WNK1: variants seen among roughly 807,000 people sequenced by gnomAD.
WNK1 encodes WNK lysine deficient protein kinase 1, also known as serine/threonine-protein kinase WNK1.
WNK1 carries 38 observed loss-of-function variants against 222.8 expected under a neutral mutation model. That is an observed-to-expected ratio of 0.17 (90% CI 0.13 to 0.22). The LOEUF (loss-of-function observed/expected upper bound fraction) is 0.22. Among genes scored for constraint, WNK1 ranks in the 10% least tolerant of loss-of-function variants. The pLI, the probability that WNK1 is intolerant of heterozygous loss-of-function variation, is 1.00. For missense variants in WNK1, 2,348 were observed against 2,918.4 expected (o/e 0.80, Z 4.50); for synonymous variants, 1,090 against 1,092.9 (o/e 1.00, Z 0.05).
chr12:798,717 A>T (rs1468534345), intron 1 of WNK1, among the ~76,000 whole-genome samples: 1 of 152,152 alleles, frequency 6.6e-6, no homozygotes, highest in East Asian at 1.9e-4. Flanking sequence ...GAAAATATGC[A>T]TGTATAATAA....
At chr12:873,315 AAAG>A (rs1450650567) in intron 9 of WNK1, among the ~76,000 whole-genome samples, 1 of 152,096 alleles carries the variant, frequency 6.6e-6, no homozygotes, top group East Asian at 1.9e-4. Context: ...GAGTGTGAGA[AAAG>A]AAGAGAGCAG....
In WNK1 at chr12:887,323, A is replaced by G. The variant is rs751245283; in HGVS notation, c.5364+19A>G. ...AACCCAGGTGCCTCAAGACTTGACA[A>G]ATTTCTTCCTGTGCCCTACTTTCTT... On this transcript the variant is annotated intron_variant, in intron 20 of 27. Transcript: ENST00000315939. 26 of 1,613,242 alleles carry G rather than the reference A, an allele frequency of 1.6e-5. No homozygotes were observed. Among genetic ancestry groups the G allele is most frequent in the East Asian group, 8.9e-5 (4 of 44,892 alleles).
chr12:753,252 C>T lies in WNK1; in HGVS notation c.-314C>T, dbSNP rs925278706. 7 of 343,506 alleles carry T rather than the reference C, an allele frequency of 2.0e-5. No homozygotes were observed. Among genetic ancestry groups the T allele is most frequent in the Admixed American group, 5.2e-5 (1 of 19,294 alleles). The allele number at this position is 343,506 out of a possible 1,614,324, so 21.3% of individuals were successfully genotyped here. ...CTGCGGCGCCTCTGCTGCCACCGCC[C>T]GCCCGGCCGCCGCTCGCCGCAGGAT... On this transcript the variant is annotated 5_prime_UTR_variant, in exon 1 of 28. Coordinates refer to ENST00000315939, the MANE Select transcript of WNK1 (RefSeq NM_018979.4). This position sits in a 1 kb window ranked among gnomAD's most constrained non-coding sequence, Gnocchi z 5.2.
At chr12:819,928 T>C (rs1017538053) in intron 2 of WNK1, among the ~76,000 whole-genome samples, 1 of 152,224 alleles carries the variant, frequency 6.6e-6, no homozygotes. Flanking sequence ...TACATGTCTG[T>C]TCTTATGCCA....
rs1021716734 is a variant in WNK1, at chr12:787,199, T to C, written c.760-26443T>C. On this transcript the variant is annotated intron_variant, in intron 1 of 27. Transcript: ENST00000315939. ...TACTTTTATAGGTGGTATTGTGGAA[T>C]GGCAAAGCACAGACTCTAGAACAAG... 1.3e-4 allele frequency among the ~76,000 whole-genome samples: 20 copies of C among 152,368 alleles called. No homozygotes were observed. The East Asian group carries it at 1.9e-3, about 15-fold the overall frequency.
chr12:796,002 C>T (rs1038618227), intron 1 of WNK1, among the ~76,000 whole-genome samples: 4 of 152,042 alleles, frequency 2.6e-5, no homozygotes, highest in Non-Finnish European at 4.4e-5. Context: ...ACCTTCCCAC[C>T]GCAGCCTCTT....
At chr12:866,101 T>G (rs1024855701) in intron 8 of WNK1, among the ~76,000 whole-genome samples, 15 of 152,312 alleles carry the variant, frequency 9.8e-5, no homozygotes, top group African/African-American at 3.6e-4. Context: ...TATAGTTAAC[T>G]TTCTGAACTA....
In WNK1 at chr12:753,657, C is replaced by G. The variant is rs2120997237; in HGVS notation, c.92C>G (p.Ser31Cys). The G allele has an allele frequency of 6.2e-7, 1 of 1,612,524 alleles. No individual in the cohort carries two copies. Among genetic ancestry groups the G allele is most frequent in the Non-Finnish European group, 8.5e-7 (1 of 1,179,882 alleles). ...PAPAPKNGSS[S>C]DSSVGEKLGA... ...CCTGCCCCCAAGAATGGCTCCAGCTCCGATTCCTCCGTGGGGGAGAAACTG... is the reference window on the plus strand; with the variant it reads ...CCTGCCCCCAAGAATGGCTCCAGCTGCGATTCCTCCGTGGGGGAGAAACTG... The change falls in exon 1 of 28, where the codon TCC (serine) becomes TGC (cysteine). Residue 31 changes from serine to cysteine, a missense_variant. Transcript: ENST00000315939. This position sits in a 1 kb window ranked among gnomAD's most constrained non-coding sequence, Gnocchi z 5.2.
At chr12:894,681 G>A in intron 23 of WNK1, 46 bp downstream of exon 23, 2 of 1,551,990 alleles carry the variant, frequency 1.3e-6, no homozygotes, top group Non-Finnish European at 1.8e-6. Context: ...CTTTGGAGGA[G>A]TTGTCTATAT....
chr12:773,360 T>A (rs1942758608), intron 1 of WNK1, among the ~76,000 whole-genome samples: 1 of 152,198 alleles, frequency 6.6e-6, no homozygotes, highest in Non-Finnish European at 1.5e-5. Flanking sequence ...CCACTCAAGA[T>A]AACCTAAGTT....
At chr12:882,353 C>T (rs1436848031) in intron 14 of WNK1, among the ~76,000 whole-genome samples, 1 of 152,068 alleles carries the variant, frequency 6.6e-6, no homozygotes, top group African/African-American at 2.4e-5. Flanking sequence ...CACGTGCCAC[C>T]ACGCACGGCT....
intron 16 of WNK1, 64 bp downstream of exon 16, chr12:883,632 G>C (rs1271317308): frequency 6.2e-7 from 1 of 1,610,004 alleles, no homozygotes; most frequent in Non-Finnish European, 8.5e-7. Flanking sequence ...TTCTAAATTT[G>C]CTATGCAAAA....
chr12:907,594 C>T (rs1350571871), intron 26 of WNK1: 1 of 543,314 alleles, frequency 1.8e-6, no homozygotes, highest in Non-Finnish European at 3.3e-6. Flanking sequence ...AAAGAGGCCC[C>T]TGCCTGTGTA....
chr12:882,227 C>T (rs1339454924), intron 14 of WNK1, among the ~76,000 whole-genome samples, 154 bp downstream of exon 14: 5 of 151,838 alleles, frequency 3.3e-5, no homozygotes, highest in South Asian at 2.1e-4. Context: ...GACGGAGTCT[C>T]GCTCTGTCGC....
Position 885,846 on chromosome 12 carries a change from C to T in WNK1, c.5042C>T (p.Ser1681Leu), listed in dbSNP as rs1314378819. Residue 1681 changes from serine to leucine, a missense_variant, in exon 19 of 28, where the codon TCA becomes TTA. Physicochemically the swap from Ser to Leu is moderately radical, Grantham distance 145. Around this residue, in one of 13 missense-constraint regions of WNK1, gnomAD observed 1,144 missense variants for 1,273.6 expected, o/e 0.90. Coordinates refer to ENST00000315939, the MANE Select transcript of WNK1 (RefSeq NM_018979.4). Reference sequence around the variant, plus strand: ...CATGCCTCTGTCTCACTGGAGACCTCACTAGTCATAGAGAGCACTGTCACA... The same window carrying T: ...CATGCCTCTGTCTCACTGGAGACCTTACTAGTCATAGAGAGCACTGTCACA... Reference protein sequence around the residue: ...AQHASVSLETSLVIESTVTPG... With the variant: ...AQHASVSLETLLVIESTVTPG... The T allele has an allele frequency of 6.2e-6, 10 of 1,614,170 alleles. No homozygotes were observed. The highest frequency in any genetic ancestry group is 8.5e-6 in the Non-Finnish European group (10 of 1,180,026).
chr12:849,570 AT>A lies in WNK1; in HGVS notation c.1312-7582del, dbSNP rs546853499. 7.2e-4 allele frequency among the ~76,000 whole-genome samples: 109 copies of A among 151,564 alleles called. 1 individual carries two copies. The highest frequency in any genetic ancestry group is 2.4e-3 in the African/African-American group (98 of 41,348). On this transcript the variant is annotated intron_variant, in intron 4 of 27. Transcript: ENST00000315939. ...CCACTTGTGTACATAAATACTGTTG[AT>A]TTTTTTTTATTATACCTTAAGTTTT... is the stretch of plus-strand genomic sequence containing the variant.
intron 25 of WNK1, among the ~76,000 whole-genome samples, chr12:898,125 G>A (rs1290113528): frequency 6.6e-6 from 1 of 152,142 alleles, no homozygotes; most frequent in Admixed American, 6.5e-5. Flanking sequence ...ATAGATATTT[G>A]TGTGTATGTC....
At chr12:790,555 A>G (rs529836824) in intron 1 of WNK1, among the ~76,000 whole-genome samples, 3 of 152,304 alleles carry the variant, frequency 2.0e-5, no homozygotes, top group South Asian at 4.1e-4. Flanking sequence ...ACATTTCCCA[A>G]GGAATCTGTC....
chr12:904,204 A>G (rs934225247), intron 26 of WNK1, among the ~76,000 whole-genome samples: 4 of 152,228 alleles, frequency 2.6e-5, no homozygotes, highest in Non-Finnish European at 5.9e-5. Flanking sequence ...TTTTAGATAC[A>G]AAGATTGGGT....
Sources: gnomAD v4.1 joint callset for allele counts (sites outside exome capture counted in the v4.1 genomes callset) on GRCh38, gnomAD v4.1.1 for gene constraint, gnomAD v4.1.1 regional missense constraint, Gnocchi (gnomAD v3.1) non-coding constraint, MANE v1.5 for transcripts, NCBI Gene and HGNC (gene_info 2026-07-23, HGNC 2026-07-21) for gene names.